The following LRRC4C variants were observed in gnomAD, a reference collection of about 807,000 sequenced individuals.
The protein encoded by LRRC4C is leucine-rich repeat-containing protein 4C.
In LRRC4C, 5 loss-of-function variants were observed where a neutral mutation model predicts 33.6. That is an observed-to-expected ratio of 0.15 (90% CI 0.08 to 0.31). The LOEUF (loss-of-function observed/expected upper bound fraction) is 0.31, where lower values mean the gene tolerates loss of function less well. LRRC4C is among the 10% of genes least tolerant of loss of function. The pLI, the probability that LRRC4C is intolerant of heterozygous loss-of-function variation, is 1.00. For synonymous variants in LRRC4C, 329 were observed against 302.0 expected (o/e 1.09, Z -0.93); for missense variants, 560 against 796.7 (o/e 0.70, Z 3.58).
intron 1 of LRRC4C, among the ~76,000 whole-genome samples, chr11:41,390,204 T>C (rs1160469343): frequency 6.6e-6 from 1 of 151,912 alleles, no homozygotes; most frequent in Non-Finnish European, 1.5e-5. Flanking sequence ...ATCTCCTACA[T>C]ATGCAAAGTG....
At chr11:40,960,610 G>A (rs957890032) in intron 1 of LRRC4C, among the ~76,000 whole-genome samples, 7 of 151,672 alleles carry the variant, frequency 4.6e-5, no homozygotes, top group African/African-American at 1.7e-4. Context: ...TGGCAAATAT[G>A]CCTGCTAGAC....
chr11:40,749,425 A>G (rs1948579097), intron 2 of LRRC4C, among the ~76,000 whole-genome samples: 2 of 150,280 alleles, frequency 1.3e-5, no homozygotes, highest in African/African-American at 4.9e-5. Flanking sequence ...ACAAATGAAG[A>G]TGGAAACACA....
At chr11:41,438,437 A>G (rs1202217490) in intron 1 of LRRC4C, among the ~76,000 whole-genome samples, 1 of 152,220 alleles carries the variant, frequency 6.6e-6, no homozygotes, top group African/African-American at 2.4e-5. Context: ...GAAAACACTG[A>G]GATGGTGACC....
intron 2 of LRRC4C, among the ~76,000 whole-genome samples, chr11:40,852,107 G>A (rs530887064): frequency 4.5e-4 from 68 of 151,624 alleles, no homozygotes; most frequent in South Asian, 8.3e-4. Flanking sequence ...GATTACCGGC[G>A]TGAGCCACCA....
chr11:40,424,564 A>T (rs1232055046), intron 3 of LRRC4C, among the ~76,000 whole-genome samples: 1 of 152,220 alleles, frequency 6.6e-6, no homozygotes, highest in Admixed American at 6.5e-5. Flanking sequence ...GATTTCTTGC[A>T]TAATTTGCAA....
In LRRC4C at chr11:40,560,001, T is replaced by C. The variant is rs1231708586; in HGVS notation, c.-270+88141A>G. On this transcript the variant is annotated intron_variant, in intron 3 of 6. Transcript: ENST00000528697. ...AGAAATTATCTCCTGAGTGTCTTGA[T>C]CTTCTTAGAGTAACAGCAAAGACTG... Among the ~76,000 whole-genome samples, 44 of 152,184 alleles carry C rather than the reference T, an allele frequency of 2.9e-4. 1 individual carries two copies. Among genetic ancestry groups the C allele is most frequent in the Admixed American group, 2.9e-3 (44 of 15,276 alleles).
intron 4 of LRRC4C, among the ~76,000 whole-genome samples, chr11:40,311,748 C>T (rs1429288274): frequency 6.6e-6 from 1 of 151,904 alleles, no homozygotes. Flanking sequence ...AGATCGAGAC[C>T]ATCCTGGCCA....
chr11:41,209,842 C>A (rs1311209973), intron 1 of LRRC4C, among the ~76,000 whole-genome samples: 1 of 151,810 alleles, frequency 6.6e-6, no homozygotes, highest in African/African-American at 2.4e-5. Context: ...AAGCCTTAAC[C>A]CACAATATGA....
chr11:40,915,457 A>G (rs1956914287), intron 2 of LRRC4C, among the ~76,000 whole-genome samples: 1 of 152,218 alleles, frequency 6.6e-6, no homozygotes, highest in Non-Finnish European at 1.5e-5. Context: ...AGGATTCCCT[A>G]TTTAATAAAT....
At chr11:41,376,613 T>C (rs956839635) in intron 1 of LRRC4C, among the ~76,000 whole-genome samples, 1 of 152,142 alleles carries the variant, frequency 6.6e-6, no homozygotes, top group Non-Finnish European at 1.5e-5. Context: ...ATATTACTCA[T>C]AGTTTATTGC....
chr11:40,696,800 A>G (rs1945583761), intron 2 of LRRC4C, among the ~76,000 whole-genome samples: 1 of 146,520 alleles, frequency 6.8e-6, no homozygotes, highest in Non-Finnish European at 1.5e-5. Context: ...ATACTCATTC[A>G]CCATTTTAAA....
intron 1 of LRRC4C, among the ~76,000 whole-genome samples, chr11:41,350,566 C>T (rs1453735090): frequency 1.3e-5 from 2 of 150,330 alleles, no homozygotes; most frequent in Non-Finnish European, 3.0e-5. Flanking sequence ...TGCATATAGA[C>T]CATGATAAAA....
At chr11:41,208,029 G>C (rs1313865494) in intron 1 of LRRC4C, among the ~76,000 whole-genome samples, 3 of 152,116 alleles carry the variant, frequency 2.0e-5, no homozygotes, top group Admixed American at 2.0e-4. Context: ...TGCTCAGCAT[G>C]AAAAGAGGAG....
chr11:40,122,265 T>C (rs1200394839), intron 6 of LRRC4C, among the ~76,000 whole-genome samples: 1 of 152,140 alleles, frequency 6.6e-6, no homozygotes, highest in Admixed American at 6.6e-5. Flanking sequence ...AAATTAAATT[T>C]TAAGTTCCTG....
rs144684078 is a variant in LRRC4C at position 41,083,693 on chromosome 11, G to A, written c.-495-149970C>T. 2.3e-3 allele frequency among the ~76,000 whole-genome samples: 343 copies of A among 152,204 alleles called. 3 individuals carry two copies. The highest frequency in any genetic ancestry group is 7.8e-3 in the African/African-American group (325 of 41,514). ...AAAAAATTTAAATATTATAAGATGCGGAATAAAAACACTGTAGTGGCCCTT... is the reference window on the plus strand; with the variant it reads ...AAAAAATTTAAATATTATAAGATGCAGAATAAAAACACTGTAGTGGCCCTT... On this transcript the variant is annotated intron_variant, in intron 1 of 6. Transcript: ENST00000528697.
intron 1 of LRRC4C, among the ~76,000 whole-genome samples, chr11:41,047,998 A>G (rs1336173759): frequency 6.6e-6 from 1 of 152,060 alleles, no homozygotes; most frequent in Non-Finnish European, 1.5e-5. Flanking sequence ...GAGCTCTTAA[A>G]CCACATTTTG....
At chr11:40,612,143 G>A (rs767619191) in intron 3 of LRRC4C, among the ~76,000 whole-genome samples, 2 of 151,768 alleles carry the variant, frequency 1.3e-5, no homozygotes, top group Non-Finnish European at 2.9e-5. Flanking sequence ...GAGTTTACAT[G>A]TCCACTAACA....
intron 1 of LRRC4C, among the ~76,000 whole-genome samples, chr11:40,934,992 T>G (rs1038427110): frequency 2.0e-5 from 3 of 152,146 alleles, no homozygotes; most frequent in Non-Finnish European, 2.9e-5. Flanking sequence ...ACGTTGACCC[T>G]ATTCTTTCCC....
intron 3 of LRRC4C, among the ~76,000 whole-genome samples, chr11:40,632,360 G>A (rs1025930511): frequency 2.1e-4 from 32 of 152,156 alleles, no homozygotes; most frequent in Admixed American, 1.1e-3. Context: ...GGTAATTTGC[G>A]GAACTCAATC....
Sources: allele counts gnomAD v4.1 joint callset (sites outside exome capture counted in the v4.1 genomes callset), GRCh38; gene constraint gnomAD v4.1.1; transcripts MANE v1.5; gene names NCBI Gene and HGNC (gene_info 2026-07-23, HGNC 2026-07-21).